The following MEGF9 variants were observed in gnomAD, a reference collection of about 807,000 sequenced individuals.
MEGF9 encodes the protein multiple epidermal growth factor-like domains protein 9.
A neutral mutation model predicts 46.8 loss-of-function variants in MEGF9; 6 were observed. That is an observed-to-expected ratio of 0.13 (90% CI 0.07 to 0.25). MEGF9 has a LOEUF of 0.25. Among genes scored for constraint, MEGF9 ranks in the 10% least tolerant of loss-of-function variants. The pLI, the probability that MEGF9 is intolerant of heterozygous loss-of-function variation, is 1.00. For missense variants in MEGF9, 683 were observed against 792.4 expected (o/e 0.86, Z 1.66); for synonymous variants, 302 against 330.7 (o/e 0.91, Z 0.94).
intron 2 of MEGF9, among the ~76,000 whole-genome samples, chr9:120,647,399 C>T (rs977354349): frequency 2.6e-5 from 4 of 152,136 alleles, no homozygotes; most frequent in African/African-American, 7.2e-5. Context: ...ATGAACTTAA[C>T]ATACTTGATA....
intron 1 of MEGF9, among the ~76,000 whole-genome samples, chr9:120,688,963 C>T (rs1050754217): frequency 6.6e-6 from 1 of 152,164 alleles, no homozygotes; most frequent in African/African-American, 2.4e-5. Flanking sequence ...CTGGTTCAAT[C>T]ATCAACAAAC....
chr9:120,648,856 T>G (rs994275366), intron 2 of MEGF9, among the ~76,000 whole-genome samples: 1 of 152,208 alleles, frequency 6.6e-6, no homozygotes, highest in South Asian at 2.1e-4. Flanking sequence ...ATCTTTCCAT[T>G]TGAAATTTAT....
chr9:120,714,246 G>A lies in MEGF9; in HGVS notation c.113C>T (p.Ala38Val). ...CCCGCCGCCACCGGTGACATTCCCC[G>A]CCGAGGCGGCTGAGGCGACGGCGGC... Reference protein sequence around the residue: ...AAAAVASAASAGNVTGGGGAA... With the variant: ...AAAAVASAASVGNVTGGGGAA... The change falls in exon 1 of 6, where the codon GCG (alanine) becomes GTG (valine). Residue 38 changes from alanine (A) to valine (V), a missense_variant. Around this residue, in one of 2 missense-constraint regions of MEGF9, gnomAD observed 370 missense variants for 371.3 expected, o/e 1.00. Coordinates refer to ENST00000373930, the MANE Select transcript of MEGF9 (RefSeq NM_001080497.3). The A allele has an allele frequency of 8.2e-7, 1 of 1,224,698 alleles. No individual in the cohort carries two copies. Among genetic ancestry groups the A allele is most frequent in the Non-Finnish European group, 1.0e-6 (1 of 990,058 alleles). 75.9% of individuals were successfully genotyped at this position (1,224,698 alleles called of 1,614,324 possible).
At chr9:120,641,324 AAAG>A (rs2043602068) in intron 2 of MEGF9, among the ~76,000 whole-genome samples, 1 of 152,212 alleles carries the variant, frequency 6.6e-6, no homozygotes, top group African/African-American at 2.4e-5. Flanking sequence ...AAAGTAAGAT[AAAG>A]AAGAGCAGAT....
At chr9:120,697,287 T>C (rs2043881943) in intron 1 of MEGF9, among the ~76,000 whole-genome samples, 2 of 152,218 alleles carry the variant, frequency 1.3e-5, no homozygotes, top group African/African-American at 4.8e-5. Context: ...TTCATCATGT[T>C]GCCCAGGCGG....
intron 1 of MEGF9, among the ~76,000 whole-genome samples, chr9:120,696,490 CT>C (rs1165128604): frequency 6.6e-6 from 1 of 152,094 alleles, no homozygotes; most frequent in Non-Finnish European, 1.5e-5. Flanking sequence ...TTATTAGGTT[CT>C]TTTGATAATT....
At chr9:120,623,198 T>A (rs2043507415) in intron 2 of MEGF9, among the ~76,000 whole-genome samples, 1 of 152,252 alleles carries the variant, frequency 6.6e-6, no homozygotes, top group African/African-American at 2.4e-5. Context: ...AGCCAGACTT[T>A]TCCCCACCAT....
At chr9:120,617,945 A>G (rs940447297) in intron 3 of MEGF9, among the ~76,000 whole-genome samples, 13 of 152,204 alleles carry the variant, frequency 8.5e-5, no homozygotes, top group Non-Finnish European at 1.5e-4. Flanking sequence ...ACTTGGTGAA[A>G]TGAATAGAGC....
chr9:120,653,376 TTA>T lies in MEGF9; in HGVS notation c.803+5996_803+5997del, dbSNP rs757065464. On this transcript the variant is annotated intron_variant, in intron 2 of 5. Coordinates refer to ENST00000373930, the MANE Select transcript of MEGF9 (RefSeq NM_001080497.3). ...TGAAATAATATTTTATTTATTTTAT[TTA>T]TTTTTTTTTTTGAGACAGGGTCTCA... Among the ~76,000 whole-genome samples the T allele has an allele frequency of 4.4e-3, 643 of 146,694 alleles. 7 individuals carry two copies. Among genetic ancestry groups the T allele is most frequent in the African/African-American group, 0.016 (598 of 38,358 alleles).
chr9:120,699,724 TAAAAAA>T (rs60740438), intron 1 of MEGF9, among the ~76,000 whole-genome samples: 1 of 112,408 alleles, frequency 8.9e-6, no homozygotes, highest in East Asian at 2.5e-4. Flanking sequence ...CCGTGTTTCT[TAAAAAA>T]AAAAAAAAAA....
At chr9:120,655,151 A>C (rs1178639973) in intron 2 of MEGF9, among the ~76,000 whole-genome samples, 1 of 152,156 alleles carries the variant, frequency 6.6e-6, no homozygotes, top group Non-Finnish European at 1.5e-5. Context: ...AGTAGTGTAC[A>C]ATAATATCCT....
chr9:120,654,660 C>T (rs1162947450), intron 2 of MEGF9, among the ~76,000 whole-genome samples: 1 of 152,108 alleles, frequency 6.6e-6, no homozygotes, highest in East Asian at 1.9e-4. Context: ...TTAGAGTGTA[C>T]ATCTACGATT....
chr9:120,708,359 G>A (rs752248162), intron 1 of MEGF9, among the ~76,000 whole-genome samples: 6 of 152,024 alleles, frequency 3.9e-5, no homozygotes, highest in East Asian at 3.9e-4. Context: ...GCAAAACTCC[G>A]TCTCCAAAAA....
chr9:120,693,924 T>TA (rs34661780), intron 1 of MEGF9, among the ~76,000 whole-genome samples: 2,757 of 141,174 alleles, frequency 0.02, 71 homozygotes, highest in African/African-American at 0.062. Context: ...TCAATTAGGC[T>TA]AAAAAAAAAA....
chr9:120,679,365 A>G (rs1364998215), intron 1 of MEGF9, among the ~76,000 whole-genome samples: 2 of 151,954 alleles, frequency 1.3e-5, no homozygotes, highest in Non-Finnish European at 2.9e-5. Context: ...TGAGCAAACT[A>G]TCACAAGGAC....
chr9:120,653,373 T>A (rs1004600848), intron 2 of MEGF9, among the ~76,000 whole-genome samples: 21 of 149,580 alleles, frequency 1.4e-4, no homozygotes, highest in Non-Finnish European at 1.5e-5. Context: ...TTATTTATTT[T>A]ATTTATTTTT....
chr9:120,687,149 C>T (rs150596952), intron 1 of MEGF9, among the ~76,000 whole-genome samples: 1 of 152,210 alleles, frequency 6.6e-6, no homozygotes, highest in East Asian at 1.9e-4. Flanking sequence ...CTAGAACAGC[C>T]AAATCTCTCA....
At chr9:120,609,707 T>C (rs2043436978) in intron 4 of MEGF9, among the ~76,000 whole-genome samples, 1 of 152,134 alleles carries the variant, frequency 6.6e-6, no homozygotes, top group African/African-American at 2.4e-5. Context: ...ACAAGTCATC[T>C]TTTAAATCTG....
chr9:120,636,509 A>G (rs187047193), intron 2 of MEGF9, among the ~76,000 whole-genome samples: 12 of 152,342 alleles, frequency 7.9e-5, no homozygotes, highest in African/African-American at 2.9e-4. Flanking sequence ...TTTTGTGATA[A>G]CTGATCTTAT....
Sources: gnomAD v4.1 joint callset for allele counts (sites outside exome capture counted in the v4.1 genomes callset) on GRCh38, gnomAD v4.1.1 for gene constraint, gnomAD v4.1.1 regional missense constraint, MANE v1.5 for transcripts, NCBI Gene and HGNC (gene_info 2026-07-23, HGNC 2026-07-21) for gene names.